The following FGF12 variants were observed in gnomAD, a reference collection of about 807,000 sequenced individuals.
The protein encoded by FGF12 is fibroblast growth factor 12B.
FGF12 carries 14 observed loss-of-function variants against 23.6 expected under a neutral mutation model. The ratio of observed to expected loss-of-function variants is 0.59; its 90% CI spans 0.39 to 0.93. The LOEUF (loss-of-function observed/expected upper bound fraction) is 0.93, where lower values mean the gene tolerates loss of function less well. Ranked by LOEUF, FGF12 falls within the 40% of genes least tolerant of loss-of-function variation. The pLI is 0.00. For synonymous variants in FGF12, 62 were observed against 77.3 expected (o/e 0.80, Z 1.04); for missense variants, 175 against 217.8 (o/e 0.80, Z 1.24).
At position 192,321,810 on chromosome 3, in the gene FGF12, T is replaced by G. The variant is rs1253205534; in HGVS notation, c.228+13551A>C. On this transcript the variant is annotated intron_variant, in intron 4 of 5. Transcript: ENST00000445105. ...CCTAAAAATGATGGGTATAGAAGGA[T>G]CATATCTTGACAAAATAAAAGCCAT... 2.6e-5 allele frequency among the ~76,000 whole-genome samples: 4 copies of G among 152,024 alleles called. No individual in the cohort carries two copies. In the East Asian group the frequency reaches 5.8e-4, roughly 22 times the overall value.
Position 192,571,315 on chromosome 3 carries a change from AAAAC to A in FGF12, c.13+155862_13+155865del, listed in dbSNP as rs201858197. 7.9e-4 allele frequency among the ~76,000 whole-genome samples: 121 copies of A among 152,318 alleles called. 1 individual carries two copies. In the East Asian group the frequency reaches 0.021, roughly 26 times the overall value. ...GCGGTCTGTGAAATCTGCCCCCTAA[AAAAC>A]AAACAAACAAAAAAACCAAACCAAA... is the stretch of plus-strand genomic sequence containing the variant. On this transcript the variant is annotated intron_variant, in intron 2 of 5. Coordinates refer to ENST00000445105, the MANE Select transcript of FGF12 (RefSeq NM_004113.6).
chr3:192,294,722 T>G (rs6788805), intron 4 of FGF12, among the ~76,000 whole-genome samples: 3 of 152,288 alleles, frequency 2.0e-5, no homozygotes, highest in African/African-American at 7.2e-5. Context: ...TAGGGAAAAG[T>G]TTTGCAACTA....
Position 192,499,843 on chromosome 3 carries a change from C to T in FGF12, c.14-139305G>A, listed in dbSNP as rs13078120. 8.4e-3 allele frequency among the ~76,000 whole-genome samples: 1,277 copies of T among 152,006 alleles called. 7 individuals carry two copies. Among genetic ancestry groups the T allele is most frequent in the Non-Finnish European group, 0.013 (907 of 67,974 alleles). ...GATTACAGGTGTGAGCCACCGTGCCCGGCCTGCTAGGATCCAAATATTAAG... is the reference window on the plus strand; with the variant it reads ...GATTACAGGTGTGAGCCACCGTGCCTGGCCTGCTAGGATCCAAATATTAAG... On this transcript the variant is annotated intron_variant, in intron 2 of 5. Coordinates refer to ENST00000445105, the MANE Select transcript of FGF12 (RefSeq NM_004113.6).
At chr3:192,252,515 A>G (rs1712100426) in intron 4 of FGF12, among the ~76,000 whole-genome samples, 2 of 150,530 alleles carry the variant, frequency 1.3e-5, no homozygotes, top group South Asian at 4.2e-4. Context: ...AGAAGACAAG[A>G]GAAGACAAGA....
intron 4 of FGF12, among the ~76,000 whole-genome samples, chr3:192,279,191 C>T (rs1713987129): frequency 6.8e-6 from 1 of 146,954 alleles, no homozygotes; most frequent in Non-Finnish European, 1.5e-5. Context: ...AGTTTGTATA[C>T]TGATTTTACC....
chr3:192,649,462 T>C (rs1716130475), intron 2 of FGF12, among the ~76,000 whole-genome samples: 1 of 152,178 alleles, frequency 6.6e-6, no homozygotes, highest in Non-Finnish European at 1.5e-5. Context: ...CAATGTAGTT[T>C]TATTCTTATT....
chr3:192,440,669 AG>A (rs1722177529), intron 2 of FGF12, among the ~76,000 whole-genome samples: 2 of 152,194 alleles, frequency 1.3e-5, no homozygotes, highest in Non-Finnish European at 2.9e-5. Flanking sequence ...AGATGGTAAG[AG>A]GTTTTCACAC....
chr3:192,375,099 G>A (rs571710710), intron 2 of FGF12, among the ~76,000 whole-genome samples: 1 of 152,082 alleles, frequency 6.6e-6, no homozygotes. Context: ...ATAAAAATAT[G>A]CCATGTATAT....
At chr3:192,433,082 T>G (rs1721914147) in intron 2 of FGF12, among the ~76,000 whole-genome samples, 1 of 152,098 alleles carries the variant, frequency 6.6e-6, no homozygotes, top group Non-Finnish European at 1.5e-5. Context: ...AACGCACACA[T>G]ATGTTCTATC....
chr3:192,401,014 A>G (rs1284526915), intron 2 of FGF12, among the ~76,000 whole-genome samples: 7 of 152,202 alleles, frequency 4.6e-5, no homozygotes, highest in Non-Finnish European at 1.0e-4. Context: ...TATGTAGTTT[A>G]TATCTCTCAA....
chr3:192,426,273 T>C (rs1246346945), intron 2 of FGF12, among the ~76,000 whole-genome samples: 1 of 152,218 alleles, frequency 6.6e-6, no homozygotes, highest in Admixed American at 6.5e-5. Flanking sequence ...GCTTTAGCTC[T>C]GATAGTCTGT....
chr3:192,446,897 T>TC (rs1334740677), intron 2 of FGF12, among the ~76,000 whole-genome samples: 1 of 152,200 alleles, frequency 6.6e-6, no homozygotes, highest in Non-Finnish European at 1.5e-5. Flanking sequence ...TCCTTCGTTC[T>TC]CACTCCCGTC....
intron 2 of FGF12, among the ~76,000 whole-genome samples, chr3:192,519,252 C>T (rs75377962): frequency 2.0e-3 from 306 of 152,310 alleles, no homozygotes; most frequent in Non-Finnish European, 3.9e-3. Context: ...ACTTGAATCT[C>T]CTTCAATCTG....
At chr3:192,640,101 G>T (rs879917725) in intron 2 of FGF12, among the ~76,000 whole-genome samples, 1 of 152,148 alleles carries the variant, frequency 6.6e-6, no homozygotes, top group Non-Finnish European at 1.5e-5. Context: ...GGGGATGTAG[G>T]TCATAGGTTG....
At chr3:192,437,673 A>G (rs561259475) in intron 2 of FGF12, among the ~76,000 whole-genome samples, 2 of 152,210 alleles carry the variant, frequency 1.3e-5, no homozygotes, top group African/African-American at 4.8e-5. Flanking sequence ...CCTGGGCGAC[A>G]AAGCAAGACT....
At chr3:192,727,462 A>ACTT (rs754182680) in intron 1 of FGF12, 22 bp downstream of exon 1, 1 of 519,470 alleles carries the variant, frequency 1.9e-6, no homozygotes, top group African/African-American at 2.1e-5. Context: ...GCCCGCTCAG[A>ACTT]TTTTTTTTTT....
At chr3:192,719,172 T>C (rs1718956286) in intron 2 of FGF12, among the ~76,000 whole-genome samples, 1 of 152,230 alleles carries the variant, frequency 6.6e-6, no homozygotes, top group Non-Finnish European at 1.5e-5. Flanking sequence ...GTGTATTTTA[T>C]GCCTCAGTGT....
chr3:192,718,072 T>C (rs1718916035), intron 2 of FGF12, among the ~76,000 whole-genome samples: 1 of 151,988 alleles, frequency 6.6e-6, no homozygotes, highest in Admixed American at 6.6e-5. Flanking sequence ...TTACTAATGA[T>C]TGAGAACTAA....
intron 4 of FGF12, among the ~76,000 whole-genome samples, chr3:192,320,901 T>TA (rs1716497638): frequency 6.6e-6 from 1 of 151,076 alleles, no homozygotes; most frequent in African/African-American, 2.4e-5. Flanking sequence ...TGTAAAGAAC[T>TA]AAAAAAACAA....
Sources: gnomAD v4.1 joint callset for allele counts (sites outside exome capture counted in the v4.1 genomes callset) on GRCh38, gnomAD v4.1.1 for gene constraint, MANE v1.5 for transcripts, NCBI Gene and HGNC (gene_info 2026-07-23, HGNC 2026-07-21) for gene names.